The following SEC14L3 variants were observed in gnomAD, a reference collection of about 807,000 sequenced individuals.
SEC14L3 encodes the protein SEC14 like lipid binding 3.
A neutral mutation model predicts 57.4 loss-of-function variants in SEC14L3; 56 were observed. The ratio of observed to expected loss-of-function variants is 0.97; its 90% CI spans 0.79 to 1.22. The LOEUF (loss-of-function observed/expected upper bound fraction) is 1.22. SEC14L3 is among the 50% of genes most tolerant of loss of function. The pLI is 0.00. For missense variants in SEC14L3, 485 were observed against 511.7 expected, an observed-to-expected ratio of 0.95 and a Z score of 0.50; for synonymous variants, 173 against 194.4, an observed-to-expected ratio of 0.89 and a Z score of 0.92.
downstream of SEC14L3, among the ~76,000 whole-genome samples, chr22:30,454,977 TTATTATA>T (rs1395950927): frequency 1.7e-4 from 11 of 62,930 alleles, no homozygotes; most frequent in African/African-American, 5.2e-4. Context: ...ATATAATATA[TTATTATA>T]TATTATATAT....
intron 11 of SEC14L3, 183 bp from the exon 12 acceptor site, chr22:30,460,325 G>T: frequency 1.0e-6 from 1 of 953,592 alleles, no homozygotes; most frequent in Non-Finnish European, 1.2e-6. Flanking sequence ...CCTGTAAACA[G>T]ACACCAACCT....
At chr22:30,448,215 C>T (rs1162457393) in exon 13 of SEC14L3, 2 of 152,232 alleles carry the variant, frequency 1.3e-5, no homozygotes, top group African/African-American at 2.4e-5. Context: ...TCCTCATAGC[C>T]TGTGAGTCAC....
chr22:30,452,010 G>GAAAAA (rs1226997169), intron 12 of SEC14L3, among the ~76,000 whole-genome samples: 4 of 110,002 alleles, frequency 3.6e-5, no homozygotes, highest in African/African-American at 7.0e-5. Context: ...AAAAAAAAAA[G>GAAAAA]AAAAAAGAAA....
chr22:30,468,503 C>T lies in SEC14L3; in HGVS notation c.423+5G>A. Reference sequence around the variant, plus strand: ...GCCATCCACCCCACCTGGCCTGGACCTCACCCTCTCTGTCTGCAGGTCACA... The same window carrying T: ...GCCATCCACCCCACCTGGCCTGGACTTCACCCTCTCTGTCTGCAGGTCACA... On this transcript the variant is annotated splice_donor_5th_base_variant and intron_variant, in intron 5 of 11. Coordinates refer to ENST00000215812, the MANE Select transcript of SEC14L3 (RefSeq NM_174975.5). 5.0e-6 allele frequency: 8 copies of T among 1,608,120 alleles called. No individual in the cohort carries two copies. The highest frequency in any genetic ancestry group is 6.8e-6 in the Non-Finnish European group (8 of 1,175,586).
intron 6 of SEC14L3, among the ~76,000 whole-genome samples, chr22:30,466,774 A>G (rs1935429991): frequency 6.6e-6 from 1 of 152,114 alleles, no homozygotes; most frequent in Non-Finnish European, 1.5e-5. Flanking sequence ...TGGAAGCTGG[A>G]ACGTGTGGTC....
At position 30,468,539 on chromosome 22, in the gene SEC14L3, A is replaced by C. The variant is rs758954257; in HGVS notation, c.392T>G (p.Ile131Ser). ...TGTCTGCAGGTCACACTCATGCAGGATGCGCTCACAGTCCCTCATCTTGGT... is the reference window on the plus strand; with the variant it reads ...TGTCTGCAGGTCACACTCATGCAGGCTGCGCTCACAGTCCCTCATCTTGGT... Reference protein sequence around the residue: ...LKTKMRDCERILHECDLQTER... With the variant: ...LKTKMRDCERSLHECDLQTER... The change falls in exon 5 of 12, where the codon ATC (isoleucine) becomes AGC (serine). Residue 131 changes from isoleucine (I) to serine (S), a missense_variant. Transcript: ENST00000215812. 6.2e-7 allele frequency: 1 copy of C among 1,613,700 alleles called. No individual in the cohort carries two copies. Among genetic ancestry groups the C allele is most frequent in the South Asian group, 1.1e-5 (1 of 91,014 alleles).
chr22:30,467,519 ACTGT>A (rs1423491546), intron 5 of SEC14L3, among the ~76,000 whole-genome samples: 1 of 152,208 alleles, frequency 6.6e-6, no homozygotes. Flanking sequence ...TAAAAAGTTC[ACTGT>A]CTGGCTGGGG....
intron 4 of SEC14L3, among the ~76,000 whole-genome samples, chr22:30,469,534 T>C (rs1263973622): frequency 2.0e-5 from 3 of 152,194 alleles, no homozygotes; most frequent in African/African-American, 7.2e-5. Flanking sequence ...ATTACTCTAC[T>C]AAGATGCCAG....
rs776542010 is a variant in SEC14L3 at position 30,461,550 on chromosome 22, C to G, written c.911+5G>C. ...GGTCTCTGAGGGGTTAGGGCCTGCC[C>G]CTACCTGAGAACGCAGCCTGGAAAT... On this transcript the variant is annotated splice_donor_5th_base_variant and intron_variant, in intron 10 of 11. Coordinates refer to ENST00000215812, the MANE Select transcript of SEC14L3 (RefSeq NM_174975.5). The G allele has an allele frequency of 7.4e-6, 12 of 1,613,920 alleles. No individual in the cohort carries two copies. Among genetic ancestry groups the G allele is most frequent in the Non-Finnish European group, 1.0e-5 (12 of 1,179,992 alleles).
chr22:30,456,426 C>G (rs1159901002), downstream of SEC14L3, among the ~76,000 whole-genome samples: 1 of 151,930 alleles, frequency 6.6e-6, no homozygotes, highest in Non-Finnish European at 1.5e-5. Flanking sequence ...ATGGTGCCGG[C>G]ATCTGCTCAG....
intron 12 of SEC14L3, among the ~76,000 whole-genome samples, chr22:30,451,991 C>CAAAAAAAA (rs34799395): frequency 6.6e-4 from 22 of 33,300 alleles, no homozygotes; most frequent in South Asian, 2.2e-3. Flanking sequence ...GACTCCATCT[C>CAAAAAAAA]AAAAAAAAAA....
downstream of SEC14L3, among the ~76,000 whole-genome samples, chr22:30,454,473 CTATATAATCTATAATAATATTATTA>C (rs1369716236): frequency 4.4e-3 from 232 of 52,712 alleles, 2 homozygotes; most frequent in African/African-American, 0.019. Context: ...GTTTCTCTCT[CTATATAATCTATAATAATATTATTA>C]TATATAATCT....
Position 30,462,155 on chromosome 22 carries a change from A to G in SEC14L3, c.702T>C (p.Pro234=). The change falls in exon 9 of 12, where the codon CCT becomes CCC. Residue 234 remains proline (P), a synonymous_variant. Coordinates refer to ENST00000215812, the MANE Select transcript of SEC14L3 (RefSeq NM_174975.5). ...WKEGLLKLIS[P]EELPAQFGGT... ...CCCCAAACTGGGCAGGCAGTTCCTC[A>G]GGACTGATGAGTTTCAGCAAACCTT... The G allele has an allele frequency of 6.2e-7, 1 of 1,613,998 alleles. No homozygotes were observed. The highest frequency in any genetic ancestry group is 1.1e-5 in the South Asian group (1 of 91,012).
At chr22:30,452,717 C>CTTTTTTTTT (rs71198554) in intron 12 of SEC14L3, among the ~76,000 whole-genome samples, 4 of 131,642 alleles carry the variant, frequency 3.0e-5, no homozygotes, top group Admixed American at 7.8e-5. Flanking sequence ...TTCTTTCTTT[C>CTTTTTTTTT]TTTTTTTTTT....
chr22:30,470,253 G>T lies in SEC14L3; in HGVS notation c.133C>A (p.Arg45=), dbSNP rs115083767. 4.3e-6 allele frequency: 7 copies of T among 1,613,088 alleles called. No individual in the cohort carries two copies. The African/African-American group carries it at 9.3e-5, about 22-fold the overall frequency. The change falls in exon 3 of 12, where the codon CGG becomes AGG. Residue 45 remains arginine, a splice_region_variant and synonymous_variant. Transcript: ENST00000215812. ...TCCGACTTCTGCAAGTCAAAATTCC[G>T]AGCTGTGGGAAAACAGAAGGAAGGT... is the stretch of plus-strand genomic sequence containing the variant. ...DYFLLRWLRA[R]NFDLQKSEAL... is the part of the protein sequence containing the mutation.
At chr22:30,459,181 C>A (rs1935174394), downstream of SEC14L3, 1 of 809,404 alleles carries the variant, frequency 1.2e-6, no homozygotes, top group African/African-American at 1.9e-5. Flanking sequence ...ATGCTAAACT[C>A]ACAAAGCTCT....
intron 12 of SEC14L3, among the ~76,000 whole-genome samples, chr22:30,454,082 G>A (rs1009450245): frequency 6.6e-6 from 1 of 152,110 alleles, no homozygotes. Context: ...CCTACCTCTG[G>A]ACTCACCCTA....
exon 13 of SEC14L3, chr22:30,448,851 C>G (rs989790340): frequency 1.2e-5 from 6 of 491,226 alleles, no homozygotes; most frequent in Admixed American, 3.3e-5. Flanking sequence ...ATGATCGCAC[C>G]ACTGCACTCC....
chr22:30,465,486 C>CCAAATAACTAGCCAGCCAGTCAGT (rs1336313710), intron 7 of SEC14L3, among the ~76,000 whole-genome samples: 1 of 151,972 alleles, frequency 6.6e-6, no homozygotes, highest in Non-Finnish European at 1.5e-5. Flanking sequence ...AGCCAACCAT[C>CCAAATAACTAGCCAGCCAGTCAGT]CAAATAACTA....
Sources: gnomAD v4.1 joint callset for allele counts (sites outside exome capture counted in the v4.1 genomes callset) on GRCh38, gnomAD v4.1.1 for gene constraint, MANE v1.5 for transcripts, NCBI Gene and HGNC (gene_info 2026-07-23, HGNC 2026-07-21) for gene names.